The following PPP2R1A variants were observed in gnomAD, a reference collection of about 807,000 sequenced individuals.
The protein encoded by PPP2R1A is protein phosphatase 2 scaffold subunit Aalpha.
In PPP2R1A, 15 loss-of-function variants were observed where a neutral mutation model predicts 67.1. The observed-to-expected ratio is 0.22, with a 90% CI of 0.15 to 0.34. The LOEUF (loss-of-function observed/expected upper bound fraction) is 0.34. Among genes scored for constraint, PPP2R1A ranks in the 10% least tolerant of loss-of-function variants. PPP2R1A has a pLI of 1.00. For missense variants in PPP2R1A, 369 were observed against 775.0 expected, an observed-to-expected ratio of 0.48 and a Z score of 6.22; for synonymous variants, 337 against 325.0, an observed-to-expected ratio of 1.04 and a Z score of -0.40.
intron 13 of PPP2R1A, among the ~76,000 whole-genome samples, chr19:52,224,442 C>T (rs949717108): frequency 2.0e-5 from 3 of 152,238 alleles, no homozygotes; most frequent in African/African-American, 7.2e-5. Context: ...AGTTTGGTCT[C>T]TTCCTCCTGG....
rs1372823047 is a variant in PPP2R1A at position 52,212,870 on chromosome 19, T to C, written c.651+37T>C. The C allele has an allele frequency of 6.4e-7, 1 of 1,573,252 alleles. No homozygotes were observed. The highest frequency in any genetic ancestry group is 1.3e-5 in the African/African-American group (1 of 74,132). ...TTCCTGGCCCTCTGCTCTCCCGTCC[T>C]TCTGGTGGTTCCTGCCCATGAAAGA... On this transcript the variant is annotated intron_variant, in intron 5 of 14. Coordinates refer to ENST00000322088, the MANE Select transcript of PPP2R1A (RefSeq NM_014225.6). The surrounding 1 kb of genome is among the most constrained non-coding windows in gnomAD (Gnocchi z 4.1).
intron 2 of PPP2R1A, among the ~76,000 whole-genome samples, chr19:52,205,080 G>T (rs866176475): frequency 6.6e-6 from 1 of 152,354 alleles, no homozygotes; most frequent in African/African-American, 2.4e-5. Flanking sequence ...GCCAGAGCAA[G>T]GTTACGTGGC....
chr19:52,224,478 A>C (rs556145713), intron 13 of PPP2R1A, among the ~76,000 whole-genome samples: 1 of 152,314 alleles, frequency 6.6e-6, no homozygotes, highest in African/African-American at 2.4e-5. Flanking sequence ...GCAGAAATCA[A>C]GAGTGATTTA....
At chr19:52,198,011 A>T (rs932338464) in intron 1 of PPP2R1A, among the ~76,000 whole-genome samples, 2 of 152,202 alleles carry the variant, frequency 1.3e-5, no homozygotes, top group East Asian at 3.9e-4. Flanking sequence ...ATCTGAACAA[A>T]ATCAGGATGC....
At chr19:52,196,129 C>T (rs996685747) in intron 1 of PPP2R1A, among the ~76,000 whole-genome samples, 19 of 152,166 alleles carry the variant, frequency 1.2e-4, no homozygotes, top group African/African-American at 4.1e-4. Flanking sequence ...AAATCTGTAT[C>T]TCACAGTATC....
intron 1 of PPP2R1A, among the ~76,000 whole-genome samples, chr19:52,200,730 G>C (rs2089538779): frequency 6.6e-6 from 1 of 152,186 alleles, no homozygotes; most frequent in Admixed American, 6.5e-5. Flanking sequence ...ACTTCTGGTG[G>C]CTCCAGCAAT....
At chr19:52,223,181 T>TA (rs981264293) in intron 13 of PPP2R1A, among the ~76,000 whole-genome samples, 1 of 152,208 alleles carries the variant, frequency 6.6e-6, no homozygotes, top group Admixed American at 6.5e-5. Flanking sequence ...GTATGTTTTT[T>TA]AAAAAACATA....
Position 52,219,754 on chromosome 19 carries a change from C to T in PPP2R1A, c.1192C>T (p.Arg398Trp), listed in dbSNP as rs1170466801. The T allele has an allele frequency of 5.0e-6, 8 of 1,613,962 alleles. No individual in the cohort carries two copies. The highest frequency in any genetic ancestry group is 6.8e-6 in the Non-Finnish European group (8 of 1,180,040). ...LDCVNEVIGI[R>W]QLSQSLLPAI... ...CTGTGTGAACGAGGTGATTGGCATC[C>T]GGCAGCTGTCCCAGTCCCTGCTCCC... Residue 398 changes from arginine to tryptophan, a missense_variant, in exon 10 of 15, where the codon CGG becomes TGG. Coordinates refer to ENST00000322088, the MANE Select transcript of PPP2R1A (RefSeq NM_014225.6). This position sits in a 1 kb window ranked among gnomAD's most constrained non-coding sequence, Gnocchi z 4.0.
At chr19:52,224,592 T>G (rs1006956883) in intron 13 of PPP2R1A, among the ~76,000 whole-genome samples, 7 of 152,244 alleles carry the variant, frequency 4.6e-5, no homozygotes, top group Non-Finnish European at 1.0e-4. Context: ...GTTCTGAGAT[T>G]CTGTTCCACT....
At chr19:52,191,943 A>G (rs1254582179) in intron 1 of PPP2R1A, among the ~76,000 whole-genome samples, 1 of 152,208 alleles carries the variant, frequency 6.6e-6, no homozygotes, top group Non-Finnish European at 1.5e-5. Context: ...ACTGGTATAT[A>G]GCAGGAACAA....
intron 3 of PPP2R1A, among the ~76,000 whole-genome samples, chr19:52,207,684 C>A (rs902124516): frequency 1.3e-5 from 2 of 152,178 alleles, no homozygotes; most frequent in African/African-American, 4.8e-5. Flanking sequence ...ATCCCAAGAG[C>A]CTTACACAGT....
At chr19:52,221,269 G>T in intron 12 of PPP2R1A, 136 bp downstream of exon 12, 1 of 1,305,330 alleles carries the variant, frequency 7.7e-7, no homozygotes, top group Non-Finnish European at 1.1e-6. Flanking sequence ...ATCCAGAGAT[G>T]AGTCCTTGGG....
Position 52,216,439 on chromosome 19 carries a change from G to C in PPP2R1A, c.994-90G>C. 1 of 1,508,168 alleles carries C rather than the reference G, an allele frequency of 6.6e-7. No individual in the cohort carries two copies. The highest frequency in any genetic ancestry group is 9.1e-7 in the Non-Finnish European group (1 of 1,098,262). 93.4% of individuals were successfully genotyped at this position (1,508,168 alleles called of 1,614,324 possible). ...CTATGAATGAGAGGGGCAGAAGCAG[G>C]TTATTGTCTCTTAGGAGTTGGCATC... is the stretch of plus-strand genomic sequence containing the variant. On this transcript the variant is annotated intron_variant, in intron 8 of 14. Transcript: ENST00000322088. This position sits in a 1 kb window ranked among gnomAD's most constrained non-coding sequence, Gnocchi z 4.3.
At chr19:52,207,535 G>A (rs1254603565) in intron 3 of PPP2R1A, among the ~76,000 whole-genome samples, 1 of 152,204 alleles carries the variant, frequency 6.6e-6, no homozygotes, top group Non-Finnish European at 1.5e-5. Flanking sequence ...CTTTTGGGAA[G>A]CAGTTCCCTG....
At position 52,216,634 on chromosome 19, in the gene PPP2R1A, C is replaced by T. The variant is rs377119375; in HGVS notation, c.1099C>T (p.Pro367Ser). ...GKDNTIEHLL[P>S]LFLAQLKDEC... ...AGACAACACCATCGAGCACCTCTTGCCCCTCTTCCTGGCTCAGCTGAAGGA... is the reference window on the plus strand; with the variant it reads ...AGACAACACCATCGAGCACCTCTTGTCCCTCTTCCTGGCTCAGCTGAAGGA... The change falls in exon 9 of 15, where the codon CCC (proline) becomes TCC (serine). Residue 367 changes from proline (P) to serine (S), a missense_variant. This residue lies in a region of PPP2R1A where 276 missense variants were observed against 508.4 expected (regional missense o/e 0.54). Transcript: ENST00000322088. The surrounding 1 kb of genome is among the most constrained non-coding windows in gnomAD (Gnocchi z 4.3). 12 of 1,614,022 alleles carry T rather than the reference C, an allele frequency of 7.4e-6. No individual in the cohort carries two copies. Among genetic ancestry groups the T allele is most frequent in the Non-Finnish European group, 1.0e-5 (12 of 1,180,026 alleles).
At chr19:52,223,707 G>A (rs1881181461) in intron 13 of PPP2R1A, among the ~76,000 whole-genome samples, 1 of 152,146 alleles carries the variant, frequency 6.6e-6, no homozygotes, top group Non-Finnish European at 1.5e-5. Context: ...AAAAGACTCA[G>A]TGGTGCAAAT....
At chr19:52,225,666 C>T (rs781603302) in intron 13 of PPP2R1A, 51 bp from the exon 14 acceptor site, 3 of 1,560,430 alleles carry the variant, frequency 1.9e-6, no homozygotes, top group South Asian at 1.1e-5. Flanking sequence ...ACCTGTTGCC[C>T]CAGTCCATCC....
intron 1 of PPP2R1A, among the ~76,000 whole-genome samples, chr19:52,200,826 C>T (rs2089539917): frequency 6.6e-6 from 1 of 152,246 alleles, no homozygotes; most frequent in Non-Finnish European, 1.5e-5. Flanking sequence ...ATCTGTCTTC[C>T]TTTCTGTCTC....
intron 2 of PPP2R1A, among the ~76,000 whole-genome samples, chr19:52,204,741 T>C (rs1179009805): frequency 6.6e-6 from 1 of 152,184 alleles, no homozygotes; most frequent in Non-Finnish European, 1.5e-5. Flanking sequence ...ACAGTGTAGC[T>C]GGAGTCACAT....
Sources: allele counts gnomAD v4.1 joint callset (sites outside exome capture counted in the v4.1 genomes callset), GRCh38; gene constraint gnomAD v4.1.1; regional missense constraint gnomAD v4.1.1; non-coding constraint Gnocchi (gnomAD v3.1); transcripts MANE v1.5; gene names NCBI Gene and HGNC (gene_info 2026-07-23, HGNC 2026-07-21).